Variants in UBE4A observed in about 807,000 individuals in gnomAD.
UBE4A encodes the protein ubiquitin conjugation factor E4 A.
In UBE4A, 48 loss-of-function variants were observed where a neutral mutation model predicts 117.9. That is an observed-to-expected ratio of 0.41 (90% CI 0.32 to 0.52). UBE4A has a LOEUF of 0.52. Among genes scored for constraint, UBE4A ranks in the 20% least tolerant of loss-of-function variants. The probability of loss-of-function intolerance (pLI) is 0.33; values close to 1 mark genes in which losing one functional copy is unlikely to be tolerated. For synonymous variants in UBE4A, 407 were observed against 450.0 expected (o/e 0.90, Z 1.21); for missense variants, 1,067 against 1,296.3 (o/e 0.82, Z 2.72).
rs1948792722 is a variant in UBE4A at position 118,389,502 on chromosome 11, A to G, written c.2588-223A>G. 2.0e-5 allele frequency among the ~76,000 whole-genome samples: 3 copies of G among 152,166 alleles called. No individual in the cohort carries two copies. In the South Asian group the frequency reaches 6.2e-4, roughly 32 times the overall value. On this transcript the variant is annotated intron_variant, in intron 16 of 19. Coordinates refer to ENST00000252108, the MANE Select transcript of UBE4A (RefSeq NM_001204077.2). ...AGATGTTAACAGTGTTTATCTCTGG[A>G]TGGTAGTTTTTGTCTTTTCTGTTTT...
intron 15 of UBE4A, among the ~76,000 whole-genome samples, chr11:118,385,652 G>A (rs1306125528): frequency 6.6e-6 from 1 of 152,182 alleles, no homozygotes; most frequent in Non-Finnish European, 1.5e-5. Flanking sequence ...ATGGGTATAG[G>A]ATGGACAAGG....
chr11:118,397,736 A>G lies in UBE4A; in HGVS notation c.*1296A>G, dbSNP rs1948888078. 1 of 152,206 alleles carries G rather than the reference A, an allele frequency of 6.6e-6. No individual in the cohort carries two copies. The highest frequency in any genetic ancestry group is 1.5e-5 in the Non-Finnish European group (1 of 68,036). The allele number at this position is 152,206 out of a possible 1,614,324, so 9.4% of individuals were successfully genotyped here. ...ACAAGAAAAGTGATAGGATCAAGAA[A>G]TGGGTGTCACTGCTTCATTTGGAAC... On this transcript the variant is annotated 3_prime_UTR_variant, in exon 20 of 20. Coordinates refer to ENST00000252108, the MANE Select transcript of UBE4A (RefSeq NM_001204077.2).
Position 118,390,790 on chromosome 11 carries a change from G to C in UBE4A, c.2902G>C (p.Ala968Pro), listed in dbSNP as rs782241779. ...TATGATTATGGCTTTCAGCAACTTG[G>C]CAGAGAGAATCAAGGTGAGGAAGAG... ...GNMIMAFSNLAERIKSLADLQ... is the reference protein window; with the variant it reads ...GNMIMAFSNLPERIKSLADLQ... Residue 968 changes from alanine (A) to proline (P), a missense_variant, in exon 18 of 20, where the codon GCA becomes CCA. By Grantham distance (27) the Ala-to-Pro change is conservative. Coordinates refer to ENST00000252108, the MANE Select transcript of UBE4A (RefSeq NM_001204077.2). The C allele has an allele frequency of 3.7e-6, 6 of 1,610,098 alleles. No homozygotes were observed. The highest frequency in any genetic ancestry group is 5.1e-6 in the Non-Finnish European group (6 of 1,177,966).
At chr11:118,390,604 T>C (rs1555128198) in intron 17 of UBE4A, 53 bp from the exon 18 acceptor site, 4 of 1,405,774 alleles carry the variant, frequency 2.8e-6, no homozygotes, top group Admixed American at 2.8e-5. Context: ...CTATTGTCTC[T>C]TCCATTGACC....
chr11:118,386,489 G>A lies in UBE4A; in HGVS notation c.2464G>A (p.Asp822Asn). The part of the protein sequence containing the change: ...QQIEKDRGEW[D>N]SLTPEARREK... ...AATTGAGAAGGATCGAGGTGAATGG[G>A]ATAGTCTGACTCCAGAAGCCCGCCG... Residue 822 changes from aspartate (D) to asparagine (N), a missense_variant, in exon 16 of 20, where the codon GAT becomes AAT. Physicochemically the swap from Asp to Asn is conservative, Grantham distance 23 (BLOSUM62 1). Around this residue, in one of 3 missense-constraint regions of UBE4A, gnomAD observed 1,001 missense variants for 1,184.0 expected, o/e 0.85. Transcript: ENST00000252108. 6.2e-7 allele frequency: 1 copy of A among 1,610,202 alleles called. No individual in the cohort carries two copies. Among genetic ancestry groups the A allele is most frequent in the Middle Eastern group, 1.7e-4 (1 of 6,044 alleles).
rs1948684372 is a variant in UBE4A at position 118,379,733 on chromosome 11, C to G, written c.1859C>G (p.Ser620Cys). ...TTTCCTTTGCCAGATGGCTACAGCTCTTTGGCTTATGTGCCAGGTAAGCAG... is the reference window on the plus strand; with the variant it reads ...TTTCCTTTGCCAGATGGCTACAGCTGTTTGGCTTATGTGCCAGGTAAGCAG... ...LTFPLPDGYS[S>C]LAYVPEFFAD... Residue 620 changes from serine to cysteine, a missense_variant, in exon 11 of 20, where the codon TCT becomes TGT. Transcript: ENST00000252108. The G allele has an allele frequency of 6.2e-7, 1 of 1,608,214 alleles. No homozygotes were observed. The highest frequency in any genetic ancestry group is 1.3e-5 in the African/African-American group (1 of 74,944).
intron 1 of UBE4A, 139 bp from the exon 2 acceptor site, chr11:118,364,901 G>T: frequency 1.2e-6 from 1 of 847,418 alleles, no homozygotes; most frequent in East Asian, 3.2e-5. Context: ...CTTGAGTTTG[G>T]GGACAGGAAT....
intron 13 of UBE4A, among the ~76,000 whole-genome samples, chr11:118,383,468 C>G (rs1948725060): frequency 6.6e-6 from 1 of 151,588 alleles, no homozygotes; most frequent in Admixed American, 6.6e-5. Context: ...TGGCAGGTGC[C>G]TGTAATCCCA....
intron 5 of UBE4A, among the ~76,000 whole-genome samples, chr11:118,371,884 G>A (rs892657461): frequency 2.0e-5 from 3 of 152,050 alleles, no homozygotes; most frequent in Admixed American, 6.6e-5. Context: ...TCTCCTTTCC[G>A]TATCTTGGGG....
chr11:118,375,315 G>T, intron 9 of UBE4A, 86 bp downstream of exon 9: 1 of 1,276,300 alleles, frequency 7.8e-7, no homozygotes, highest in East Asian at 2.8e-5. Context: ...TTTTCACAGA[G>T]TTCCTTTCTC....
Position 118,396,309 on chromosome 11 carries a change from C to A in UBE4A, c.3075-5C>A. On this transcript the variant is annotated splice_region_variant and splice_polypyrimidine_tract_variant and intron_variant, in intron 19 of 19. Coordinates refer to ENST00000252108, the MANE Select transcript of UBE4A (RefSeq NM_001204077.2). ...ACCCTATTTCCCTTTCTCTCTTTGT[C>A]CCAGTGACCAAACAGATCCCTTTAA... 1 of 1,610,402 alleles carries A rather than the reference C, an allele frequency of 6.2e-7. No individual in the cohort carries two copies. The highest frequency in any genetic ancestry group is 8.5e-7 in the Non-Finnish European group (1 of 1,178,684).
chr11:118,370,781 T>C (rs1948602364), intron 4 of UBE4A, among the ~76,000 whole-genome samples: 1 of 152,152 alleles, frequency 6.6e-6, no homozygotes, highest in Non-Finnish European at 1.5e-5. Flanking sequence ...AAAGGACACA[T>C]ACCATGAGGA....
At chr11:118,366,724 G>A (rs1172908145) in intron 2 of UBE4A, among the ~76,000 whole-genome samples, 1 of 152,182 alleles carries the variant, frequency 6.6e-6, no homozygotes, top group African/African-American at 2.4e-5. Context: ...AGTACATATA[G>A]ACTCATATGT....
At chr11:118,362,859 G>C (rs1222323704) in intron 1 of UBE4A, among the ~76,000 whole-genome samples, 2 of 152,196 alleles carry the variant, frequency 1.3e-5, no homozygotes, top group African/African-American at 4.8e-5. Flanking sequence ...GGAAAATGCT[G>C]TATTCTTTTT....
intron 2 of UBE4A, among the ~76,000 whole-genome samples, chr11:118,367,628 A>G (rs1948575252): frequency 6.7e-6 from 1 of 150,372 alleles, no homozygotes; most frequent in Non-Finnish European, 1.5e-5. Flanking sequence ...CAGCCTCCCG[A>G]GTAGCTGGGA....
intron 6 of UBE4A, 136 bp downstream of exon 6, chr11:118,372,802 T>C: frequency 1.6e-6 from 2 of 1,290,208 alleles, no homozygotes; most frequent in Non-Finnish European, 2.2e-6. Flanking sequence ...TCTTGATCTT[T>C]GAGGTTGAGT....
rs2134092287 is a variant in UBE4A, at chr11:118,373,068, T to C, written c.722-18T>C. ...AAATTCTTGTGCCCTCCTTTCTCTC[T>C]CATTTGTCTTCTGTTAGATTTTGAA... On this transcript the variant is annotated intron_variant, in intron 6 of 19. Coordinates refer to ENST00000252108, the MANE Select transcript of UBE4A (RefSeq NM_001204077.2). 4 of 1,612,186 alleles carry C rather than the reference T, an allele frequency of 2.5e-6. 1 individual carries two copies. In the South Asian group the frequency reaches 3.3e-5, roughly 13 times the overall value.
At chr11:118,394,551 A>T (rs1555129211) in intron 19 of UBE4A, among the ~76,000 whole-genome samples, 1 of 152,096 alleles carries the variant, frequency 6.6e-6, no homozygotes, top group Admixed American at 6.5e-5. Context: ...CAGGTGGATC[A>T]CTTGAGATCA....
Sources: gnomAD v4.1 joint callset for allele counts (sites outside exome capture counted in the v4.1 genomes callset) on GRCh38, gnomAD v4.1.1 for gene constraint, gnomAD v4.1.1 regional missense constraint, MANE v1.5 for transcripts, NCBI Gene and HGNC (gene_info 2026-07-23, HGNC 2026-07-21) for gene names.